Variants in DOK5 observed in about 807,000 individuals in gnomAD.
The protein encoded by DOK5 is downstream of tyrosine kinase 5.
Under a neutral mutation model 43.3 loss-of-function variants are expected in DOK5, and 27 were observed. The ratio of observed to expected loss-of-function variants is 0.62; its 90% CI spans 0.46 to 0.86. The LOEUF (loss-of-function observed/expected upper bound fraction) is 0.86. Among genes scored for constraint, DOK5 ranks in the 40% least tolerant of loss-of-function variants. The probability of loss-of-function intolerance (pLI) is 0.00; values close to 1 mark genes in which losing one functional copy is unlikely to be tolerated. For missense variants in DOK5, 373 were observed against 392.9 expected (o/e 0.95, Z 0.43); for synonymous variants, 146 against 140.1 (o/e 1.04, Z -0.30).
chr20:54,480,473 G>T (rs1232749018), intron 1 of DOK5, among the ~76,000 whole-genome samples: 1 of 152,238 alleles, frequency 6.6e-6, no homozygotes, highest in African/African-American at 2.4e-5. Context: ...GGTCTGAAAA[G>T]GGGAGGCATG....
chr20:54,640,639 G>T (rs191504974), intron 6 of DOK5, among the ~76,000 whole-genome samples: 49 of 152,324 alleles, frequency 3.2e-4, no homozygotes, highest in African/African-American at 1.2e-3. Context: ...ACGCGGCGTT[G>T]CTGTCATTTC....
intron 1 of DOK5, among the ~76,000 whole-genome samples, chr20:54,541,363 T>A (rs1484910038): frequency 2.6e-5 from 4 of 152,180 alleles, no homozygotes; most frequent in Non-Finnish European, 4.4e-5. Context: ...TTATATCACT[T>A]CCATTCAATG....
chr20:54,557,985 AAC>A (rs1487441964), intron 2 of DOK5, among the ~76,000 whole-genome samples: 4 of 152,236 alleles, frequency 2.6e-5, no homozygotes, highest in African/African-American at 9.6e-5. Context: ...ACCAGAATCT[AAC>A]ACATAGTGAA....
intron 1 of DOK5, among the ~76,000 whole-genome samples, chr20:54,554,567 C>A (rs1984647056): frequency 6.6e-6 from 1 of 152,162 alleles, no homozygotes; most frequent in South Asian, 2.1e-4. Flanking sequence ...ATAGACCAAG[C>A]CCATGGTTTT....
chr20:54,567,605 A>G (rs533635401), intron 2 of DOK5, among the ~76,000 whole-genome samples: 4 of 152,052 alleles, frequency 2.6e-5, no homozygotes, highest in Non-Finnish European at 5.9e-5. Context: ...AATCTTTAAT[A>G]TTGGGTAGAG....
At chr20:54,606,364 G>A (rs573889865) in intron 5 of DOK5, among the ~76,000 whole-genome samples, 2 of 152,280 alleles carry the variant, frequency 1.3e-5, no homozygotes, top group South Asian at 2.1e-4. Flanking sequence ...TTGGATACAG[G>A]AAGAGCATCC....
At chr20:54,541,762 T>C (rs1440682585) in intron 1 of DOK5, among the ~76,000 whole-genome samples, 1 of 152,094 alleles carries the variant, frequency 6.6e-6, no homozygotes, top group Non-Finnish European at 1.5e-5. Context: ...GTGAAACCCA[T>C]AAGGTCTGAC....
chr20:54,603,015 T>C (rs186561630), intron 5 of DOK5, among the ~76,000 whole-genome samples: 1 of 152,354 alleles, frequency 6.6e-6, no homozygotes. Context: ...TAACAGGGGA[T>C]ACTGGTTTGC....
At chr20:54,521,630 G>T (rs904854461) in intron 1 of DOK5, among the ~76,000 whole-genome samples, 3 of 152,178 alleles carry the variant, frequency 2.0e-5, no homozygotes, top group Non-Finnish European at 4.4e-5. Flanking sequence ...CAGTCTGGAA[G>T]CTCCCCAGAT....
chr20:54,588,784 T>C lies in DOK5; in HGVS notation c.387T>C (p.Thr129=). The change falls in exon 4 of 8, where the codon ACT becomes ACC. Residue 129 remains threonine, a synonymous_variant. Transcript: ENST00000262593. Reference sequence around the variant, plus strand: ...TTGGAGAGCCTGACTTACTGGCCACTGGGGTTGAGAGAGAACAGAGTGGTA... The same window carrying C: ...TTGGAGAGCCTGACTTACTGGCCACCGGGGTTGAGAGAGAACAGAGTGGTA... The part of the protein sequence containing the change: ...ISLGEPDLLA[T]GVEREQSERF... 6.2e-7 allele frequency: 1 copy of C among 1,613,980 alleles called. No individual in the cohort carries two copies. The highest frequency in any genetic ancestry group is 8.5e-7 in the Non-Finnish European group (1 of 1,179,900).
intron 2 of DOK5, among the ~76,000 whole-genome samples, chr20:54,573,531 CA>C (rs1364477201): frequency 1.3e-5 from 2 of 151,554 alleles, no homozygotes; most frequent in Admixed American, 1.3e-4. Flanking sequence ...ACTAAAAATA[CA>C]AAAAATTAGC....
chr20:54,476,009 C>G lies in DOK5; in HGVS notation c.63C>G (p.Leu21=), dbSNP rs1181775684. 10 of 1,613,314 alleles carry G rather than the reference C, an allele frequency of 6.2e-6. No homozygotes were observed. The highest frequency in any genetic ancestry group is 1.7e-5 in the Admixed American group (1 of 60,020). The change falls in exon 1 of 8, where the codon CTC becomes CTG. Residue 21 remains leucine, a synonymous_variant. Coordinates refer to ENST00000262593, the MANE Select transcript of DOK5 (RefSeq NM_018431.5). ...ACGTGAGGATCCGGAGCAGACGCCT[C>G]GGGGTGAGTATCGATCCTCTCCGTG... is the stretch of plus-strand genomic sequence containing the variant. ...QGYVRIRSRR[L]GIYQRCWLVF...
chr20:54,475,729 C>T lies in DOK5; in HGVS notation c.-218C>T. 1.6e-6 allele frequency: 1 copy of T among 620,298 alleles called. No individual in the cohort carries two copies. The highest frequency in any genetic ancestry group is 2.7e-6 in the Non-Finnish European group (1 of 364,584). 38.4% of individuals were successfully genotyped at this position (620,298 alleles called of 1,614,324 possible). The stretch of plus-strand genomic sequence containing the variant: ...TCGCCTCCCCGCGCCGCGCTCTGCG[C>T]TCCCCGAAAGTGGCTGCAAGCCGGC... On this transcript the variant is annotated 5_prime_UTR_variant, in exon 1 of 8. Transcript: ENST00000262593. This position sits in a 1 kb window ranked among gnomAD's most constrained non-coding sequence, Gnocchi z 4.2.
At chr20:54,521,608 C>T (rs1013119168) in intron 1 of DOK5, among the ~76,000 whole-genome samples, 1 of 152,198 alleles carries the variant, frequency 6.6e-6, no homozygotes, top group African/African-American at 2.4e-5. Context: ...CCCAGGATCT[C>T]AGTGTGTTCA....
chr20:54,498,735 G>A (rs952000896), intron 1 of DOK5, among the ~76,000 whole-genome samples: 2 of 152,146 alleles, frequency 1.3e-5, no homozygotes, highest in African/African-American at 4.8e-5. Flanking sequence ...ATAGAAAGTG[G>A]GGAAGGAGAA....
intron 6 of DOK5, among the ~76,000 whole-genome samples, chr20:54,624,510 C>T (rs958035239): frequency 2.6e-5 from 4 of 152,018 alleles, no homozygotes; most frequent in African/African-American, 7.3e-5. Context: ...ATTGTGTGAG[C>T]CAAGAGAAAA....
chr20:54,521,956 T>C (rs1263119529), intron 1 of DOK5, among the ~76,000 whole-genome samples: 1 of 152,234 alleles, frequency 6.6e-6, no homozygotes, highest in Admixed American at 6.5e-5. Flanking sequence ...ATGAAATACA[T>C]GTTTCTTGTT....
chr20:54,628,334 G>A (rs1224900671), intron 6 of DOK5, among the ~76,000 whole-genome samples: 2 of 143,124 alleles, frequency 1.4e-5, no homozygotes, highest in African/African-American at 5.4e-5. Flanking sequence ...GCGTGAACCC[G>A]GGAGGCGGAG....
intron 1 of DOK5, among the ~76,000 whole-genome samples, chr20:54,488,492 T>G (rs188154685): frequency 6.6e-6 from 1 of 152,318 alleles, no homozygotes; most frequent in East Asian, 1.9e-4. Flanking sequence ...TTTTCTTTAT[T>G]TTGTGCCATT....
Sources: allele counts gnomAD v4.1 joint callset (sites outside exome capture counted in the v4.1 genomes callset), GRCh38; gene constraint gnomAD v4.1.1; non-coding constraint Gnocchi (gnomAD v3.1); transcripts MANE v1.5; gene names NCBI Gene and HGNC (gene_info 2026-07-23, HGNC 2026-07-21).